PBX1: variants seen among roughly 807,000 people sequenced by gnomAD.
The protein encoded by PBX1 is pre-B-cell leukemia transcription factor 1.
In PBX1, 6 loss-of-function variants were observed where a neutral mutation model predicts 53.4. The observed-to-expected ratio is 0.11, with a 90% CI of 0.06 to 0.22. The LOEUF (loss-of-function observed/expected upper bound fraction) is 0.22, where lower values mean the gene tolerates loss of function less well. Ranked by LOEUF, PBX1 falls within the 10% of genes least tolerant of loss-of-function variation. The pLI is 1.00. For synonymous variants in PBX1, 204 were observed against 212.3 expected, an observed-to-expected ratio of 0.96 and a Z score of 0.34; for missense variants, 251 against 551.4, an observed-to-expected ratio of 0.46 and a Z score of 5.46.
intron 2 of PBX1, among the ~76,000 whole-genome samples, chr1:164,783,131 G>A (rs547120215): frequency 6.6e-6 from 1 of 152,316 alleles, no homozygotes; most frequent in African/African-American, 2.4e-5. Flanking sequence ...AGGCCAGGAG[G>A]ATGGTGTCGC....
At chr1:164,875,707 C>T (rs1672488179) in intron 2 of PBX1, among the ~76,000 whole-genome samples, 1 of 152,054 alleles carries the variant, frequency 6.6e-6, no homozygotes, top group African/African-American at 2.4e-5. Context: ...AGCTAGCAGG[C>T]AGGAGCTGGC....
At position 164,849,754 on chromosome 1, in the gene PBX1, ATGG is replaced by A; in HGVS notation, c.*3084_*3086del. The A allele has an allele frequency of 4.0e-6, 1 of 247,362 alleles. No homozygotes were observed. Among genetic ancestry groups the A allele is most frequent in the Non-Finnish European group, 7.8e-6 (1 of 127,716 alleles). The allele number at this position is 247,362 out of a possible 1,614,324, so 15.3% of individuals were successfully genotyped here. On this transcript the variant is annotated 3_prime_UTR_variant, in exon 9 of 9. Coordinates refer to ENST00000420696, the MANE Select transcript of PBX1 (RefSeq NM_002585.4). ...CTTTCAATTTATGTTTTATTTTGCT[ATGG>A]TGGTGATTCTTTATTTGCTGGTTGT...
chr1:164,609,205 A>G (rs904354953), intron 2 of PBX1, among the ~76,000 whole-genome samples: 1 of 152,016 alleles, frequency 6.6e-6, no homozygotes, highest in African/African-American at 2.4e-5. Context: ...ACTGATGTAC[A>G]GGAAACTTCT....
intron 2 of PBX1, among the ~76,000 whole-genome samples, chr1:164,735,676 A>T (rs1665228440): frequency 2.0e-5 from 3 of 152,214 alleles, no homozygotes; most frequent in Admixed American, 2.0e-4. Flanking sequence ...GCTCCCCCTA[A>T]GGCCATTCCG....
rs892105584 is a variant in PBX1 at position 164,604,997 on chromosome 1, G to A, written c.265+41686G>A. On this transcript the variant is annotated intron_variant, in intron 2 of 8. Coordinates refer to ENST00000420696, the MANE Select transcript of PBX1 (RefSeq NM_002585.4). ...GTAACAAGTGCTGTGTGCCGTGTAT[G>A]GAAGACACCAGTAATCACATCATAG... 1.1e-4 allele frequency among the ~76,000 whole-genome samples: 16 copies of A among 152,236 alleles called. No individual in the cohort carries two copies. The East Asian group carries it at 3.1e-3, about 29-fold the overall frequency.
At chr1:164,688,885 C>G (rs868783603) in intron 2 of PBX1, among the ~76,000 whole-genome samples, 1 of 152,240 alleles carries the variant, frequency 6.6e-6, no homozygotes, top group Non-Finnish European at 1.5e-5. Flanking sequence ...CCTGAAGTGG[C>G]CCTTCATGTC....
At chr1:164,742,450 G>A (rs1390010096) in intron 2 of PBX1, among the ~76,000 whole-genome samples, 1 of 152,162 alleles carries the variant, frequency 6.6e-6, no homozygotes, top group African/African-American at 2.4e-5. Flanking sequence ...GCTGAGGCAG[G>A]AGAATTGCTT....
Position 164,725,100 on chromosome 1 carries a change from C to T in PBX1, c.266-67394C>T, listed in dbSNP as rs77627887. On this transcript the variant is annotated intron_variant, in intron 2 of 8. Transcript: ENST00000420696. Reference sequence around the variant, plus strand: ...TAAGCTCCTAAGCAGGCAGCTTGAACCCCCCACCCCCTTCCTGCATCCAGT... The same window carrying T: ...TAAGCTCCTAAGCAGGCAGCTTGAATCCCCCACCCCCTTCCTGCATCCAGT... Among the ~76,000 whole-genome samples, 5 of 152,026 alleles carry T rather than the reference C, an allele frequency of 3.3e-5. No individual in the cohort carries two copies. In the South Asian group the frequency reaches 1.0e-3, roughly 32 times the overall value.
At chr1:164,581,145 C>T (rs1384957268) in intron 2 of PBX1, among the ~76,000 whole-genome samples, 2 of 152,078 alleles carry the variant, frequency 1.3e-5, no homozygotes, top group Non-Finnish European at 2.9e-5. Flanking sequence ...TGGATGCTTC[C>T]ATGGTGAGAC....
intron 2 of PBX1, among the ~76,000 whole-genome samples, chr1:164,704,608 G>T (rs76737270): frequency 6.6e-6 from 1 of 151,976 alleles, no homozygotes; most frequent in Non-Finnish European, 1.5e-5. Flanking sequence ...ATTACTGAAT[G>T]TCAGAGCTCT....
chr1:164,673,776 C>T (rs78785237), intron 2 of PBX1, among the ~76,000 whole-genome samples: 2 of 152,114 alleles, frequency 1.3e-5, no homozygotes, highest in African/African-American at 4.8e-5. Flanking sequence ...ATGGGAATGC[C>T]GTGATTCCAC....
chr1:164,591,012 T>A (rs1163531494), intron 2 of PBX1, among the ~76,000 whole-genome samples: 2 of 27,362 alleles, frequency 7.3e-5, no homozygotes, highest in African/African-American at 1.3e-4. Flanking sequence ...ACTTGGCTAA[T>A]TTTTTTTTTT....
intron 2 of PBX1, among the ~76,000 whole-genome samples, chr1:164,621,373 C>T (rs751085616): frequency 2.6e-5 from 4 of 152,162 alleles, no homozygotes; most frequent in South Asian, 2.1e-4. Flanking sequence ...CCAACGGGGG[C>T]GAGAATTAGG....
At chr1:164,617,258 A>G (rs1470983728) in intron 2 of PBX1, among the ~76,000 whole-genome samples, 1 of 152,196 alleles carries the variant, frequency 6.6e-6, no homozygotes, top group Non-Finnish European at 1.5e-5. Context: ...GCTGAGTTTC[A>G]TGGCCACAGA....
At chr1:164,804,501 T>C (rs1009467854) in intron 4 of PBX1, among the ~76,000 whole-genome samples, 2 of 152,224 alleles carry the variant, frequency 1.3e-5, no homozygotes, top group Non-Finnish European at 2.9e-5. Flanking sequence ...ACTAGCCACA[T>C]TGCAGCTGCT....
rs1669634982 is a variant in PBX1 at position 164,811,975 on chromosome 1, CTT to C, written c.838-14_838-13del. 6.2e-7 allele frequency: 1 copy of C among 1,602,836 alleles called. No individual in the cohort carries two copies. The highest frequency in any genetic ancestry group is 8.5e-7 in the Non-Finnish European group (1 of 1,173,912). On this transcript the variant is annotated splice_polypyrimidine_tract_variant and intron_variant, in intron 5 of 8. Transcript: ENST00000420696. Reference sequence around the variant, plus strand: ...TGAAATGTGAACTTTCTCATCTTCTCTTAAACTACTCTAGGTATCAAACTGGT... The same window carrying C: ...TGAAATGTGAACTTTCTCATCTTCTCAAACTACTCTAGGTATCAAACTGGT...
At chr1:164,589,937 G>A (rs182726699) in intron 2 of PBX1, among the ~76,000 whole-genome samples, 3 of 152,280 alleles carry the variant, frequency 2.0e-5, no homozygotes, top group Non-Finnish European at 2.9e-5. Flanking sequence ...GGCCAGGTGC[G>A]GTGGCTCATG....
At chr1:164,645,295 C>T (rs1006259499) in intron 2 of PBX1, among the ~76,000 whole-genome samples, 3 of 152,154 alleles carry the variant, frequency 2.0e-5, no homozygotes, top group African/African-American at 7.2e-5. Flanking sequence ...CAGCAGAGGC[C>T]AGACCTTTTG....
intron 2 of PBX1, among the ~76,000 whole-genome samples, chr1:164,750,025 A>T (rs1421553237): frequency 1.3e-5 from 2 of 152,056 alleles, no homozygotes; most frequent in East Asian, 3.9e-4. Context: ...ACTTGAGCCC[A>T]TGAGTTCAAG....
Sources: allele counts gnomAD v4.1 joint callset (sites outside exome capture counted in the v4.1 genomes callset), GRCh38; gene constraint gnomAD v4.1.1; transcripts MANE v1.5; gene names NCBI Gene and HGNC (gene_info 2026-07-23, HGNC 2026-07-21).